GRID2: variants seen among roughly 807,000 people sequenced by gnomAD.
The protein encoded by GRID2 is glutamate receptor ionotropic, delta-2.
GRID2 carries 33 observed loss-of-function variants against 114.8 expected under a neutral mutation model. That is an observed-to-expected ratio of 0.29 (90% CI 0.22 to 0.38). GRID2 has a LOEUF of 0.38. Ranked by LOEUF, GRID2 falls within the 10% of genes least tolerant of loss-of-function variation. The pLI, the probability that GRID2 is intolerant of heterozygous loss-of-function variation, is 1.00. For synonymous variants in GRID2, 505 were observed against 449.9 expected, an observed-to-expected ratio of 1.12 and a Z score of -1.55; for missense variants, 1,184 against 1,257.7, an observed-to-expected ratio of 0.94 and a Z score of 0.89.
intron 1 of GRID2, among the ~76,000 whole-genome samples, chr4:92,506,193 G>A (rs1261835074): frequency 6.6e-6 from 1 of 151,936 alleles, no homozygotes; most frequent in East Asian, 1.9e-4. Flanking sequence ...ATAGCATGCA[G>A]TAAAAAAAGG....
chr4:93,234,540 T>C (rs76065828), intron 7 of GRID2, among the ~76,000 whole-genome samples: 1,526 of 152,212 alleles, frequency 0.01, 32 homozygotes, highest in African/African-American at 0.035. Context: ...TGAGTGTATA[T>C]GTATATATGC....
At chr4:93,758,203 A>C (rs1253535955) in intron 14 of GRID2, among the ~76,000 whole-genome samples, 2 of 152,230 alleles carry the variant, frequency 1.3e-5, no homozygotes, top group African/African-American at 4.8e-5. Flanking sequence ...TCTAAAAATT[A>C]AAATATAATT....
intron 1 of GRID2, among the ~76,000 whole-genome samples, chr4:92,375,437 A>G (rs531753224): frequency 1.3e-5 from 2 of 152,292 alleles, no homozygotes; most frequent in East Asian, 1.9e-4. Context: ...TGAAAATTAT[A>G]GTATCCTCTA....
chr4:92,483,259 A>C (rs1722704917), intron 1 of GRID2, among the ~76,000 whole-genome samples: 1 of 152,128 alleles, frequency 6.6e-6, no homozygotes, highest in African/African-American at 2.4e-5. Flanking sequence ...AATCGCTTGA[A>C]TCTGAGAGGC....
intron 2 of GRID2, among the ~76,000 whole-genome samples, chr4:93,028,976 A>G (rs142470585): frequency 1.3e-5 from 2 of 152,238 alleles, no homozygotes; most frequent in East Asian, 3.9e-4. Context: ...GAGTTAACAC[A>G]GTGATCTTAT....
chr4:92,902,365 T>C (rs1218132707), intron 2 of GRID2, among the ~76,000 whole-genome samples: 1 of 152,084 alleles, frequency 6.6e-6, no homozygotes, highest in African/African-American at 2.4e-5. Flanking sequence ...TAGTGGTCTA[T>C]CAGTTTTGTT....
intron 8 of GRID2, among the ~76,000 whole-genome samples, chr4:93,360,817 A>T (rs970329144): frequency 1.3e-5 from 2 of 151,804 alleles, no homozygotes; most frequent in Non-Finnish European, 2.9e-5. Flanking sequence ...GTTATAGATG[A>T]TTAGTGCCAT....
intron 2 of GRID2, among the ~76,000 whole-genome samples, chr4:92,819,198 A>G (rs1336861548): frequency 6.6e-6 from 1 of 152,130 alleles, no homozygotes; most frequent in Non-Finnish European, 1.5e-5. Context: ...TTTTGGCCAA[A>G]TCTGAGATTC....
chr4:93,462,175 T>A (rs973636052), intron 11 of GRID2, among the ~76,000 whole-genome samples: 4 of 151,982 alleles, frequency 2.6e-5, no homozygotes, highest in Non-Finnish European at 5.9e-5. Context: ...TTAACTAGGG[T>A]TTAATAAATA....
chr4:93,222,056 C>G (rs1744941507), intron 6 of GRID2, among the ~76,000 whole-genome samples: 1 of 152,090 alleles, frequency 6.6e-6, no homozygotes, highest in African/African-American at 2.4e-5. Flanking sequence ...TTTTTCTCCT[C>G]TCTCCATCCT....
At chr4:93,155,835 T>TG (rs1361772743) in intron 4 of GRID2, among the ~76,000 whole-genome samples, 2 of 151,256 alleles carry the variant, frequency 1.3e-5, no homozygotes, top group African/African-American at 2.4e-5. Context: ...AGCGAGGGCA[T>TG]GGGGGGTAGT....
At chr4:93,136,124 G>C (rs1205158899) in intron 4 of GRID2, among the ~76,000 whole-genome samples, 5 of 152,212 alleles carry the variant, frequency 3.3e-5, no homozygotes, top group African/African-American at 1.2e-4. Context: ...CCAGGCGGTT[G>C]TATAGCCTTT....
At chr4:92,961,298 T>C (rs1752790346) in intron 2 of GRID2, among the ~76,000 whole-genome samples, 1 of 151,756 alleles carries the variant, frequency 6.6e-6, no homozygotes, top group Admixed American at 6.6e-5. Flanking sequence ...AAGTTTCTGA[T>C]CTATTTCAGT....
intron 13 of GRID2, among the ~76,000 whole-genome samples, chr4:93,593,878 G>C (rs1738709110): frequency 1.3e-5 from 2 of 151,860 alleles, no homozygotes; most frequent in Admixed American, 1.3e-4. Flanking sequence ...TCTTCACGTA[G>C]TTCTCGAGCC....
intron 1 of GRID2, among the ~76,000 whole-genome samples, chr4:92,423,922 TAAAA>T (rs1258103220): frequency 6.6e-6 from 1 of 151,960 alleles, no homozygotes; most frequent in Non-Finnish European, 1.5e-5. Flanking sequence ...AATTAAAAAA[TAAAA>T]AAGAGAAATG....
intron 2 of GRID2, among the ~76,000 whole-genome samples, chr4:93,001,988 C>G (rs1267859467): frequency 6.7e-6 from 1 of 150,298 alleles, no homozygotes; most frequent in Non-Finnish European, 1.5e-5. Context: ...AAAAATTTTA[C>G]ACACTTTTTT....
chr4:92,811,397 T>C (rs1578222469), intron 2 of GRID2, among the ~76,000 whole-genome samples: 1 of 152,240 alleles, frequency 6.6e-6, no homozygotes, highest in African/African-American at 2.4e-5. Context: ...TAAAATTGCT[T>C]TCTTTACTGT....
In GRID2 at chr4:92,522,250, C is replaced by T. The variant is rs375450768; in HGVS notation, c.89-67881C>T. Among the ~76,000 whole-genome samples, 26 of 151,974 alleles carry T rather than the reference C, an allele frequency of 1.7e-4. 1 individual carries two copies. The highest frequency in any genetic ancestry group is 5.8e-4 in the East Asian group (3 of 5,134). ...ACACATATTCTAAGGTTAAATTGTGCCTTGCAATGTCAGGCTGAAGGAACA... is the reference window on the plus strand; with the variant it reads ...ACACATATTCTAAGGTTAAATTGTGTCTTGCAATGTCAGGCTGAAGGAACA... On this transcript the variant is annotated intron_variant, in intron 1 of 15. Transcript: ENST00000282020.
chr4:93,317,986 AATAT>A (rs58755199), intron 8 of GRID2, among the ~76,000 whole-genome samples: 4,567 of 100,816 alleles, frequency 0.045, 164 homozygotes, highest in African/African-American at 0.063. Flanking sequence ...TTAAAAGTGA[AATAT>A]ATATATATAT....
Sources: allele counts gnomAD v4.1 joint callset (sites outside exome capture counted in the v4.1 genomes callset), GRCh38; gene constraint gnomAD v4.1.1; transcripts MANE v1.5; gene names NCBI Gene and HGNC (gene_info 2026-07-23, HGNC 2026-07-21).